Variants in SCAMP1 observed in about 807,000 individuals in gnomAD.
The protein encoded by SCAMP1 is secretory carrier membrane protein 1.
SCAMP1 carries 15 observed loss-of-function variants against 41.8 expected under a neutral mutation model. The observed-to-expected ratio is 0.36, with a 90% CI of 0.24 to 0.55. SCAMP1 has a LOEUF of 0.55. Ranked by LOEUF, SCAMP1 falls within the 20% of genes least tolerant of loss-of-function variation. The probability of loss-of-function intolerance (pLI) is 0.86; values close to 1 mark genes in which losing one functional copy is unlikely to be tolerated. For synonymous variants in SCAMP1, 135 were observed against 136.8 expected (o/e 0.99, Z 0.09); for missense variants, 341 against 412.6 (o/e 0.83, Z 1.50).
At chr5:78,410,251 T>C (rs1752042162) in intron 2 of SCAMP1, among the ~76,000 whole-genome samples, 1 of 151,954 alleles carries the variant, frequency 6.6e-6, no homozygotes. Context: ...AACCCAGCAT[T>C]CACTAACTAT....
At chr5:78,413,029 T>C (rs1248636353) in intron 2 of SCAMP1, among the ~76,000 whole-genome samples, 1 of 152,220 alleles carries the variant, frequency 6.6e-6, no homozygotes, top group Non-Finnish European at 1.5e-5. Flanking sequence ...GCTCAAGAAA[T>C]ATTCATAAAA....
At position 78,480,404 on chromosome 5, in the gene SCAMP1, A is replaced by G. The variant is rs1754114266; in HGVS notation, c.*4736A>G. 6.6e-6 allele frequency among the ~76,000 whole-genome samples: 1 copy of G among 152,252 alleles called. No individual in the cohort carries two copies. The highest frequency in any genetic ancestry group is 1.5e-5 in the Non-Finnish European group (1 of 68,038). On this transcript the variant is annotated 3_prime_UTR_variant, in exon 9 of 9. Coordinates refer to ENST00000621999, the MANE Select transcript of SCAMP1 (RefSeq NM_004866.6). ...CTAGTTATTTTCAGTGCTTACTTAAATGTAATTCTAGAATTCCTCCACAAC... is the reference window on the plus strand; with the variant it reads ...CTAGTTATTTTCAGTGCTTACTTAAGTGTAATTCTAGAATTCCTCCACAAC...
intron 1 of SCAMP1, among the ~76,000 whole-genome samples, chr5:78,367,707 G>A (rs1750833176): frequency 6.6e-6 from 1 of 152,198 alleles, no homozygotes; most frequent in Non-Finnish European, 1.5e-5. Context: ...GATACACCTA[G>A]TATAAAATGG....
chr5:78,473,663 T>C (rs1014247111), intron 8 of SCAMP1, among the ~76,000 whole-genome samples: 3 of 152,298 alleles, frequency 2.0e-5, no homozygotes, highest in Non-Finnish European at 4.4e-5. Flanking sequence ...ATATCTATCG[T>C]TGCCATCTTT....
At chr5:78,411,852 C>T (rs1025845892) in intron 2 of SCAMP1, among the ~76,000 whole-genome samples, 1 of 152,058 alleles carries the variant, frequency 6.6e-6, no homozygotes, top group African/African-American at 2.4e-5. Flanking sequence ...CCAAATTGTG[C>T]TCCAGGATTG....
At chr5:78,402,743 A>G (rs751631424) in intron 2 of SCAMP1, among the ~76,000 whole-genome samples, 1 of 152,092 alleles carries the variant, frequency 6.6e-6, no homozygotes, top group Non-Finnish European at 1.5e-5. Flanking sequence ...ATCATCTCAT[A>G]ATCTTTTAAT....
chr5:78,471,442 A>G (rs1753881429), intron 8 of SCAMP1, among the ~76,000 whole-genome samples: 1 of 152,058 alleles, frequency 6.6e-6, no homozygotes, highest in Admixed American at 6.6e-5. Context: ...TTTTTTAAAA[A>G]CTCAAAACAA....
rs910067283 is a variant in SCAMP1, at chr5:78,479,659, GAGAA to G, written c.*3995_*3998del. ...CTTATTTGAAGATTGTAGGAAAATA[GAGAA>G]AGACTGTTCTCCAGTTTTCTCACCC... On this transcript the variant is annotated 3_prime_UTR_variant, in exon 9 of 9. Transcript: ENST00000621999. Among the ~76,000 whole-genome samples the G allele has an allele frequency of 1.5e-4, 23 of 152,178 alleles. 1 individual carries two copies. The highest frequency in any genetic ancestry group is 9.8e-4 in the Admixed American group (15 of 15,282).
At position 78,449,933 on chromosome 5, in the gene SCAMP1, G is replaced by A; in HGVS notation, c.633G>A (p.Arg211=). Residue 211 remains arginine (R), a splice_region_variant and synonymous_variant, in exon 7 of 9, where the codon AGG becomes AGA. Transcript: ENST00000621999. Reference sequence around the variant, plus strand: ...CTTTCTTTCTTTTTTTTTTTCAAAGGAGTGACAGTTCATTTAGATTCTTTG... The same window carrying A: ...CTTTCTTTCTTTTTTTTTTTCAAAGAAGTGACAGTTCATTTAGATTCTTTG... The part of the protein sequence containing the change: ...CWYRPLYGAF[R]SDSSFRFFVF... The A allele has an allele frequency of 6.7e-7, 1 of 1,489,852 alleles. No homozygotes were observed. The highest frequency in any genetic ancestry group is 9.1e-7 in the Non-Finnish European group (1 of 1,103,334). The allele number at this position is 1,489,852 out of a possible 1,614,324, so 92.3% of individuals were successfully genotyped here.
intron 1 of SCAMP1, among the ~76,000 whole-genome samples, chr5:78,372,350 T>C (rs896985931): frequency 2.6e-5 from 4 of 152,150 alleles, no homozygotes; most frequent in Non-Finnish European, 4.4e-5. Flanking sequence ...CTTTTTCTTA[T>C]AAACAAATTC....
chr5:78,396,325 G>A (rs1401508807), intron 2 of SCAMP1, among the ~76,000 whole-genome samples: 1 of 152,172 alleles, frequency 6.6e-6, no homozygotes, highest in Non-Finnish European at 1.5e-5. Context: ...TATTGATAAT[G>A]GGGGAGACTG....
chr5:78,447,171 T>A (rs73135724), intron 6 of SCAMP1, among the ~76,000 whole-genome samples: 4,333 of 152,282 alleles, frequency 0.028, 222 homozygotes, highest in African/African-American at 0.097. Context: ...CCACCATACG[T>A]AGAAAAATTG....
At chr5:78,406,635 G>A (rs899926139) in intron 2 of SCAMP1, among the ~76,000 whole-genome samples, 5 of 152,058 alleles carry the variant, frequency 3.3e-5, no homozygotes, top group Non-Finnish European at 7.4e-5. Context: ...TTATTATAAT[G>A]TTCTTAATTC....
chr5:78,452,485 A>G (rs1258021269), intron 7 of SCAMP1, among the ~76,000 whole-genome samples: 1 of 123,930 alleles, frequency 8.1e-6, no homozygotes, highest in Non-Finnish European at 1.7e-5. Flanking sequence ...GATGATTTCC[A>G]ATTTCATCCA....
intron 2 of SCAMP1, among the ~76,000 whole-genome samples, chr5:78,401,101 T>G (rs890208278): frequency 6.6e-6 from 1 of 152,176 alleles, no homozygotes; most frequent in Non-Finnish European, 1.5e-5. Context: ...TATGGTCATA[T>G]GATTTTTCTT....
chr5:78,443,535 A>G (rs1165380736), intron 6 of SCAMP1, among the ~76,000 whole-genome samples: 1 of 151,914 alleles, frequency 6.6e-6, no homozygotes, highest in Non-Finnish European at 1.5e-5. Context: ...ACTTCATGTA[A>G]TGTGAGCTTT....
chr5:78,405,091 T>A (rs777518757), intron 2 of SCAMP1, among the ~76,000 whole-genome samples: 9 of 152,246 alleles, frequency 5.9e-5, no homozygotes, highest in Non-Finnish European at 1.3e-4. Flanking sequence ...GGGTCAGCAA[T>A]TTGCCCTGTG....
chr5:78,464,586 C>G (rs1753696301), intron 8 of SCAMP1, among the ~76,000 whole-genome samples: 1 of 152,046 alleles, frequency 6.6e-6, no homozygotes, highest in Non-Finnish European at 1.5e-5. Flanking sequence ...TAAAAAAACC[C>G]CAACAAATTG....
chr5:78,408,794 C>A (rs1227408299), intron 2 of SCAMP1, among the ~76,000 whole-genome samples: 1 of 150,832 alleles, frequency 6.6e-6, no homozygotes, highest in African/African-American at 2.4e-5. Context: ...GAGCTGAGGT[C>A]TCACTATATT....
Sources: allele counts gnomAD v4.1 joint callset (sites outside exome capture counted in the v4.1 genomes callset), GRCh38; gene constraint gnomAD v4.1.1; transcripts MANE v1.5; gene names NCBI Gene and HGNC (gene_info 2026-07-23, HGNC 2026-07-21).